IQSEC1: variants seen among roughly 807,000 people sequenced by gnomAD.
The protein encoded by IQSEC1 is IQ motif and SEC7 domain-containing protein 1.
A neutral mutation model predicts 91.0 loss-of-function variants in IQSEC1; 31 were observed. The observed-to-expected ratio is 0.34, with a 90% CI of 0.26 to 0.46. The LOEUF is 0.46. Ranked by LOEUF, IQSEC1 falls within the 20% of genes least tolerant of loss-of-function variation. IQSEC1 has a pLI of 1.00. For missense variants in IQSEC1, 1,388 were observed against 1,575.6 expected (o/e 0.88, Z 2.02); for synonymous variants, 699 against 662.6 (o/e 1.05, Z -0.84).
chr3:13,161,151 G>A (rs181163800), intron 2 of IQSEC1, among the ~76,000 whole-genome samples: 12 of 152,302 alleles, frequency 7.9e-5, no homozygotes, highest in African/African-American at 2.4e-4. Flanking sequence ...ATCATGGGCC[G>A]CATTTAGAAA....
chr3:13,180,886 C>T (rs143741605), intron 1 of IQSEC1, among the ~76,000 whole-genome samples: 12 of 151,154 alleles, frequency 7.9e-5, no homozygotes, highest in Middle Eastern at 3.4e-3. Flanking sequence ...CCGGACATGC[C>T]ACCTTTAAGA....
At chr3:12,913,692 A>T in intron 8 of IQSEC1, 139 bp from the exon 9 acceptor site, 1 of 702,046 alleles carries the variant, frequency 1.4e-6, no homozygotes, top group South Asian at 1.8e-5. Context: ...TCCCTCACAG[A>T]CATTGAAGAG....
intron 1 of IQSEC1, among the ~76,000 whole-genome samples, chr3:12,974,834 A>G (rs183868771): frequency 6.6e-6 from 1 of 152,240 alleles, no homozygotes; most frequent in East Asian, 1.9e-4. Flanking sequence ...GGGAGGGAGG[A>G]CACTTATGCT....
rs1694367591 is a variant in IQSEC1 at position 13,207,620 on chromosome 3, T to C, written c.273-43487A>G. 6.6e-6 allele frequency among the ~76,000 whole-genome samples: 1 copy of C among 152,196 alleles called. No homozygotes were observed. The highest frequency in any genetic ancestry group is 6.5e-5 in the Admixed American group (1 of 15,286). ...CTGTCTCCTGCCCCAGCCTCTGCCCTGGCCTCCCTGAGGCTCCTCACTTGT... is the reference window on the plus strand; with the variant it reads ...CTGTCTCCTGCCCCAGCCTCTGCCCCGGCCTCCCTGAGGCTCCTCACTTGT... On this transcript the variant is annotated intron_variant, in intron 1 of 15. Transcript: ENST00000648114. The surrounding 1 kb of genome is among the most constrained non-coding windows in gnomAD (Gnocchi z 4.8).
chr3:12,950,937 C>T (rs188684327), intron 1 of IQSEC1, among the ~76,000 whole-genome samples: 10 of 152,184 alleles, frequency 6.6e-5, no homozygotes, highest in Admixed American at 4.6e-4. Context: ...TGAGCCACTG[C>T]GCCCGGCCAA....
chr3:13,272,612 C>T (rs964608032), intron 1 of IQSEC1, among the ~76,000 whole-genome samples: 4 of 152,196 alleles, frequency 2.6e-5, no homozygotes, highest in Non-Finnish European at 5.9e-5. Flanking sequence ...TCACCCCGCA[C>T]ACCCCTTTTA....
chr3:13,232,993 G>C (rs1328101041), intron 1 of IQSEC1, among the ~76,000 whole-genome samples: 2 of 152,224 alleles, frequency 1.3e-5, no homozygotes, highest in African/African-American at 4.8e-5. Context: ...ATGGAGAGTT[G>C]ATGTTTAATG....
intron 2 of IQSEC1, among the ~76,000 whole-genome samples, chr3:13,090,348 T>C (rs921104093): frequency 6.6e-6 from 1 of 152,256 alleles, no homozygotes; most frequent in Non-Finnish European, 1.5e-5. Context: ...TTATTCACTA[T>C]ACTCTAGTGC....
chr3:13,201,207 C>T (rs563636967), intron 1 of IQSEC1, among the ~76,000 whole-genome samples: 4 of 152,326 alleles, frequency 2.6e-5, no homozygotes, highest in South Asian at 2.1e-4. Flanking sequence ...GGACGGTGAC[C>T]GGAGCTCAGA....
At chr3:13,219,969 C>T (rs1447120415) in intron 1 of IQSEC1, among the ~76,000 whole-genome samples, 1 of 152,272 alleles carries the variant, frequency 6.6e-6, no homozygotes, top group East Asian at 1.9e-4. Context: ...CAACTCCTCA[C>T]CGGAAACCTG....
intron 1 of IQSEC1, among the ~76,000 whole-genome samples, chr3:13,175,839 TCTCGGGTCCTTTATAAGGACAC>T (rs1046512379): frequency 6.6e-6 from 1 of 152,192 alleles, no homozygotes; most frequent in Non-Finnish European, 1.5e-5. Context: ...CTGGCTCACC[TCTCGGGTCCTTTATAAGGACAC>T]AAATCCCAGT....
At chr3:13,217,761 TA>T (rs1333983049) in intron 1 of IQSEC1, among the ~76,000 whole-genome samples, 2 of 152,234 alleles carry the variant, frequency 1.3e-5, no homozygotes, top group African/African-American at 4.8e-5. Context: ...ATTCACATTT[TA>T]AATGTAAAAT....
Position 12,909,229 on chromosome 3 carries a change from G to A in IQSEC1, c.2578+44C>T, listed in dbSNP as rs753446493. 2 of 1,592,636 alleles carry A rather than the reference G, an allele frequency of 1.3e-6. No individual in the cohort carries two copies. The highest frequency in any genetic ancestry group is 2.2e-5 in the East Asian group (1 of 44,648). On this transcript the variant is annotated intron_variant, in intron 11 of 13. Transcript: ENST00000613206. The surrounding 1 kb of genome is among the most constrained non-coding windows in gnomAD (Gnocchi z 4.9). ...CTGACATGGGGAGGCAAGTGCCAGA[G>A]TCTGGCAAGTCTCGGCCTTCTGTCC...
At chr3:12,932,684 C>T (rs1042350221) in intron 3 of IQSEC1, among the ~76,000 whole-genome samples, 5 of 152,190 alleles carry the variant, frequency 3.3e-5, no homozygotes, top group Non-Finnish European at 2.9e-5. Context: ...AAACATGTTC[C>T]GGGTGCAGGC....
At chr3:13,197,142 T>C (rs1021656088) in intron 1 of IQSEC1, among the ~76,000 whole-genome samples, 2 of 152,042 alleles carry the variant, frequency 1.3e-5, no homozygotes, top group African/African-American at 2.4e-5. Flanking sequence ...TTTGTCTGCC[T>C]CTCCAGGAGC....
intron 6 of IQSEC1, among the ~76,000 whole-genome samples, chr3:12,918,678 C>T (rs184326118): frequency 8.5e-5 from 13 of 152,170 alleles, no homozygotes; most frequent in East Asian, 5.8e-4. Context: ...AAAAATTAGC[C>T]GGGCATGGCA....
At chr3:13,142,693 T>C (rs1018124746) in intron 2 of IQSEC1, among the ~76,000 whole-genome samples, 9 of 152,234 alleles carry the variant, frequency 5.9e-5, no homozygotes, top group Non-Finnish European at 1.3e-4. Context: ...CAGAACACCA[T>C]TTCATCACAA....
intron 1 of IQSEC1, among the ~76,000 whole-genome samples, chr3:13,019,419 A>G (rs1703298887): frequency 6.6e-6 from 1 of 152,222 alleles, no homozygotes; most frequent in South Asian, 2.1e-4. Flanking sequence ...TGAAGACGCA[A>G]GTGGAAAACT....
At chr3:13,127,786 C>A (rs1217587710) in intron 2 of IQSEC1, among the ~76,000 whole-genome samples, 1 of 152,170 alleles carries the variant, frequency 6.6e-6, no homozygotes, top group African/African-American at 2.4e-5. Context: ...CATGGTATGT[C>A]TTTCCATTTG....
Sources: allele counts gnomAD v4.1 joint callset (sites outside exome capture counted in the v4.1 genomes callset), GRCh38; gene constraint gnomAD v4.1.1; non-coding constraint Gnocchi (gnomAD v3.1); transcripts MANE v1.5; gene names NCBI Gene and HGNC (gene_info 2026-07-23, HGNC 2026-07-21).